DSCAM: variants seen among roughly 807,000 people sequenced by gnomAD.
The protein encoded by DSCAM is DS cell adhesion molecule.
Under a neutral mutation model 217.7 loss-of-function variants are expected in DSCAM, and 47 were observed. The observed-to-expected ratio is 0.22, with a 90% CI of 0.17 to 0.28. The LOEUF (loss-of-function observed/expected upper bound fraction) is 0.28. DSCAM is among the 10% of genes least tolerant of loss of function. The pLI is 1.00. For missense variants in DSCAM, 2,080 were observed against 2,618.3 expected (o/e 0.79, Z 4.49); for synonymous variants, 1,056 against 1,015.3 (o/e 1.04, Z -0.76).
chr21:40,163,405 G>A (rs1568975935), intron 16 of DSCAM, among the ~76,000 whole-genome samples: 1 of 152,036 alleles, frequency 6.6e-6, no homozygotes, highest in African/African-American at 2.4e-5. Flanking sequence ...AAATCCTTTT[G>A]TTTCTCCAAG....
intron 3 of DSCAM, among the ~76,000 whole-genome samples, chr21:40,516,408 C>T (rs1362191985): frequency 6.6e-6 from 1 of 152,142 alleles, no homozygotes; most frequent in Non-Finnish European, 1.5e-5. Flanking sequence ...GGCTCCCCTC[C>T]CCCAAAACAC....
chr21:40,311,955 TTTTTTA>T, intron 9 of DSCAM, 120 bp downstream of exon 9: 2 of 409,914 alleles, frequency 4.9e-6, no homozygotes, highest in Non-Finnish European at 7.8e-6. Flanking sequence ...TTTTTTTTTT[TTTTTTA>T]GTGAGATAAA....
intron 3 of DSCAM, among the ~76,000 whole-genome samples, chr21:40,523,579 C>T (rs528342112): frequency 6.6e-6 from 1 of 152,284 alleles, no homozygotes; most frequent in Non-Finnish European, 1.5e-5. Flanking sequence ...CACTCCATCT[C>T]CCTTCTGGCT....
intron 1 of DSCAM, among the ~76,000 whole-genome samples, chr21:40,804,284 GGTT>G (rs1378852021): frequency 2.0e-5 from 3 of 152,154 alleles, no homozygotes; most frequent in Non-Finnish European, 4.4e-5. Context: ...AAGCACAGAA[GGTT>G]GTTTTTCCAG....
At chr21:40,664,769 A>G (rs2090181343) in intron 3 of DSCAM, among the ~76,000 whole-genome samples, 1 of 152,158 alleles carries the variant, frequency 6.6e-6, no homozygotes, top group Admixed American at 6.5e-5. Context: ...TTCAGAGGAG[A>G]AGCAACAAAT....
intron 4 of DSCAM, among the ~76,000 whole-genome samples, chr21:40,354,547 C>T (rs1381108193): frequency 1.3e-5 from 2 of 151,542 alleles, no homozygotes; most frequent in Non-Finnish European, 2.9e-5. Flanking sequence ...TAAATTTAAA[C>T]AGAAAAAAAG....
intron 3 of DSCAM, among the ~76,000 whole-genome samples, chr21:40,534,426 T>A (rs1272755099): frequency 6.6e-6 from 1 of 152,024 alleles, no homozygotes; most frequent in African/African-American, 2.4e-5. Flanking sequence ...AAGGGAAAAA[T>A]AGGAAATTCG....
chr21:40,683,415 A>G (rs537684789), intron 3 of DSCAM, among the ~76,000 whole-genome samples: 14 of 152,102 alleles, frequency 9.2e-5, no homozygotes, highest in Non-Finnish European at 2.1e-4. Context: ...GAATGAAAGG[A>G]GTGTGTGACA....
chr21:40,790,180 C>CTTTTT (rs771986567), intron 1 of DSCAM, among the ~76,000 whole-genome samples: 11 of 125,392 alleles, frequency 8.8e-5, no homozygotes, highest in African/African-American at 1.2e-4. Flanking sequence ...TTCTTTCTTT[C>CTTTTT]TTTTTTTTTT....
At chr21:40,726,992 T>C (rs183657336) in intron 1 of DSCAM, among the ~76,000 whole-genome samples, 55 of 152,306 alleles carry the variant, frequency 3.6e-4, no homozygotes, top group Admixed American at 3.9e-4. Context: ...TCACCAAATG[T>C]GGCCCTTCAA....
At chr21:40,775,635 A>T (rs951561583) in intron 1 of DSCAM, among the ~76,000 whole-genome samples, 12 of 152,162 alleles carry the variant, frequency 7.9e-5, no homozygotes, top group Admixed American at 7.2e-4. Flanking sequence ...TGGACATCAG[A>T]ACTCTAGGTT....
intron 3 of DSCAM, among the ~76,000 whole-genome samples, chr21:40,378,993 AG>A (rs2074994389): frequency 1.3e-5 from 2 of 152,224 alleles, no homozygotes; most frequent in Admixed American, 6.5e-5. Flanking sequence ...AAAGACAGTA[AG>A]GTATATGTAC....
At chr21:40,381,062 C>CAAAAAAAAAAAAAA (rs71186932) in intron 3 of DSCAM, among the ~76,000 whole-genome samples, 2 of 66,216 alleles carry the variant, frequency 3.0e-5, no homozygotes, top group African/African-American at 5.9e-5. Flanking sequence ...GACTCCGTCT[C>CAAAAAAAAAAAAAA]AAAAAAAAAA....
intron 1 of DSCAM, among the ~76,000 whole-genome samples, chr21:40,759,751 C>T (rs1248223694): frequency 1.5e-4 from 23 of 152,098 alleles, no homozygotes; most frequent in Admixed American, 1.5e-3. Context: ...ATCCCATGAG[C>T]CTGCCCCTGG....
At chr21:40,709,282 G>C (rs1383919968) in intron 1 of DSCAM, among the ~76,000 whole-genome samples, 1 of 152,026 alleles carries the variant, frequency 6.6e-6, no homozygotes, top group Non-Finnish European at 1.5e-5. Context: ...CTTCACTGAG[G>C]GTTATTATGC....
chr21:40,450,624 CT>C (rs1027346238), intron 3 of DSCAM, among the ~76,000 whole-genome samples: 1 of 152,152 alleles, frequency 6.6e-6, no homozygotes, highest in Non-Finnish European at 1.5e-5. Context: ...ATAAAATTTG[CT>C]TGCAAATGTT....
At chr21:40,414,574 C>T (rs1481556768) in intron 3 of DSCAM, among the ~76,000 whole-genome samples, 2 of 152,242 alleles carry the variant, frequency 1.3e-5, no homozygotes, top group Non-Finnish European at 2.9e-5. Context: ...TTTGATATTG[C>T]TTAGTCCCTA....
At chr21:40,064,659 G>A (rs2089179472) in intron 27 of DSCAM, among the ~76,000 whole-genome samples, 1 of 152,146 alleles carries the variant, frequency 6.6e-6, no homozygotes, top group Non-Finnish European at 1.5e-5. Flanking sequence ...GGGACGTGGG[G>A]AGCTTTGCCA....
At chr21:40,808,569 G>C (rs957767620) in intron 1 of DSCAM, among the ~76,000 whole-genome samples, 15 of 151,656 alleles carry the variant, frequency 9.9e-5, no homozygotes, top group African/African-American at 3.6e-4. Context: ...AATCTCCTGG[G>C]CTCAAGTGTT....
Sources: gnomAD v4.1 joint callset for allele counts (sites outside exome capture counted in the v4.1 genomes callset) on GRCh38, gnomAD v4.1.1 for gene constraint, MANE v1.5 for transcripts, NCBI Gene and HGNC (gene_info 2026-07-23, HGNC 2026-07-21) for gene names.